The following AAAS variants were observed in gnomAD, a reference collection of about 807,000 sequenced individuals.
AAAS encodes aladin.
A neutral mutation model predicts 75.6 loss-of-function variants in AAAS; 60 were observed. That is an observed-to-expected ratio of 0.79 (90% CI 0.64 to 0.98). The LOEUF is 0.98. AAAS is among the 50% of genes least tolerant of loss of function. The pLI is 0.00. For missense variants in AAAS, 658 were observed against 686.9 expected, an observed-to-expected ratio of 0.96 and a Z score of 0.47; for synonymous variants, 271 against 265.0, an observed-to-expected ratio of 1.02 and a Z score of -0.22.
At chr12:53,307,960 G>GCTTT (rs1435344705) in intron 14 of AAAS, 31 bp from the exon 15 acceptor site, 1 of 1,613,302 alleles carries the variant, frequency 6.2e-7, no homozygotes, top group African/African-American at 1.3e-5. Flanking sequence ...GCAACCGGAG[G>GCTTT]CAAGAAGGGA....
chr12:53,319,028 A>C (rs1368250097), intron 2 of AAAS, among the ~76,000 whole-genome samples: 1 of 152,198 alleles, frequency 6.6e-6, no homozygotes, highest in African/African-American at 2.4e-5. Context: ...TGTGTTGGAA[A>C]ACAGGCACTC....
chr12:53,308,894 G>C (rs1944339715), intron 10 of AAAS, 66 bp downstream of exon 10: 1 of 1,612,852 alleles, frequency 6.2e-7, no homozygotes, highest in African/African-American at 1.3e-5. Context: ...GGCCAGGTTT[G>C]GGAGCATCAG....
intron 2 of AAAS, among the ~76,000 whole-genome samples, chr12:53,317,807 G>C (rs1198064852): frequency 1.3e-5 from 2 of 152,084 alleles, no homozygotes; most frequent in East Asian, 3.9e-4. Context: ...AACTGGTGGG[G>C]ATGAAGAAAA....
intron 11 of AAAS, 66 bp downstream of exon 11, chr12:53,308,659 G>A: frequency 6.3e-7 from 1 of 1,598,610 alleles, no homozygotes; most frequent in Non-Finnish European, 8.6e-7. Flanking sequence ...CCTCAGAGCT[G>A]CATCTTACCA....
intron 14 of AAAS, 21 bp downstream of exon 14, chr12:53,308,031 A>C: frequency 6.2e-7 from 1 of 1,614,046 alleles, no homozygotes; most frequent in Non-Finnish European, 8.5e-7. Context: ...GTCCAGACCT[A>C]AGGGCCCACA....
At chr12:53,313,022 G>C (rs1256684556) in intron 7 of AAAS, among the ~76,000 whole-genome samples, 1 of 149,366 alleles carries the variant, frequency 6.7e-6, no homozygotes, top group African/African-American at 2.5e-5. Context: ...ACGCCCAGCT[G>C]ATTTTTTGTA....
chr12:53,309,547 G>T, intron 8 of AAAS, 54 bp downstream of exon 8: 1 of 1,612,468 alleles, frequency 6.2e-7, no homozygotes, highest in South Asian at 1.1e-5. Flanking sequence ...ACAACCGAGT[G>T]AGGAACACTT....
Position 53,314,743 on chromosome 12 carries a change from A to G in AAAS, c.545+8T>C. 6.2e-7 allele frequency: 1 copy of G among 1,612,186 alleles called. No homozygotes were observed. The highest frequency in any genetic ancestry group is 8.5e-7 in the Non-Finnish European group (1 of 1,179,166). On this transcript the variant is annotated splice_region_variant and intron_variant, in intron 6 of 15. Transcript: ENST00000209873. The stretch of plus-strand genomic sequence containing the variant: ...AAGTCAGAGCCCACCTGGTGTCCCC[A>G]CACACACCTGCTGGCATTATACACA...
At position 53,307,857 on chromosome 12, in the gene AAAS, G is replaced by A. The variant is rs1343957448; in HGVS notation, c.1404C>T (p.Ala468=). ...CTGGCGCACTCACCACACTGAGCAG[G>A]GCCCCTTTGTTGAAGGAAGGATGGA... The part of the protein sequence containing the change: ...ITFHPSFNKG[A]LLSVGWSTGR... Residue 468 remains alanine, a synonymous_variant, in exon 15 of 16, where the codon GCC becomes GCT. Transcript: ENST00000209873. 2 of 1,614,248 alleles carry A rather than the reference G, an allele frequency of 1.2e-6. No individual in the cohort carries two copies. The highest frequency in any genetic ancestry group is 1.7e-6 in the Non-Finnish European group (2 of 1,180,050).
At chr12:53,314,575 G>A in intron 6 of AAAS, 134 bp from the exon 7 acceptor site, 2 of 1,394,884 alleles carry the variant, frequency 1.4e-6, no homozygotes, top group Admixed American at 3.8e-5. Context: ...TAGGACAGGA[G>A]GGGATAAAGG....
In AAAS at chr12:53,307,583, G is replaced by A. The variant is rs902369500; in HGVS notation, c.1547C>T (p.Pro516Leu). The change falls in exon 16 of 16, where the codon CCC becomes CTC. Residue 516 changes from proline to leucine, a missense_variant. By Grantham distance (98) the Pro-to-Leu change is moderately conservative. Coordinates refer to ENST00000209873, the MANE Select transcript of AAAS (RefSeq NM_015665.6). ...AGGGGSIHDLPLFTETSPTSA... is the reference protein window; with the variant it reads ...AGGGGSIHDLLLFTETSPTSA... ...GGTTGGGGATGTCTCAGTAAAGAGG[G>A]GCAGGTCATGAATAGAGCCTCCACC... 30 of 1,614,072 alleles carry A rather than the reference G, an allele frequency of 1.9e-5. No individual in the cohort carries two copies. The highest frequency in any genetic ancestry group is 5.0e-5 in the Admixed American group (3 of 60,006).
chr12:53,313,631 C>A (rs1944423372), intron 7 of AAAS, among the ~76,000 whole-genome samples: 1 of 147,596 alleles, frequency 6.8e-6, no homozygotes, highest in East Asian at 2.0e-4. Context: ...TTTTTTGAGA[C>A]AGAGTCTCGC....
Position 53,307,562 on chromosome 12 carries a change from G to A in AAAS, c.1568C>T (p.Pro523Leu). Residue 523 changes from proline to leucine, a missense_variant, in exon 16 of 16, where the codon CCA becomes CTA. Coordinates refer to ENST00000209873, the MANE Select transcript of AAAS (RefSeq NM_015665.6). ...HDLPLFTETS[P>L]TSAPWDPLPG... is the part of the protein sequence containing the mutation. ...GAGAGGGTCCCAAGGGGCAGAGGTT[G>A]GGGATGTCTCAGTAAAGAGGGGCAG... The A allele has an allele frequency of 1.2e-6, 2 of 1,614,200 alleles. No individual in the cohort carries two copies. Among genetic ancestry groups the A allele is most frequent in the Non-Finnish European group, 1.7e-6 (2 of 1,180,026 alleles).
rs762731519 is a variant in AAAS at position 53,321,378 on chromosome 12, T to C, written c.88A>G (p.Ser30Gly). The C allele has an allele frequency of 6.2e-7, 1 of 1,614,022 alleles. No individual in the cohort carries two copies. The highest frequency in any genetic ancestry group is 1.3e-5 in the African/African-American group (1 of 74,934). Residue 30 changes from serine to glycine, a missense_variant, in exon 1 of 16, where the codon AGC becomes GGC. Ser to Gly is a moderately conservative substitution (Grantham distance 56). Coordinates refer to ENST00000209873, the MANE Select transcript of AAAS (RefSeq NM_015665.6). ...AAGTCGGGGGGCGGGCTCTCATAGC[T>C]ACTGCCCGTCACCAGCTCGTTATTG... Reference protein sequence around the residue: ...EHNNELVTGSSYESPPPDFRG... With the variant: ...EHNNELVTGSGYESPPPDFRG...
At chr12:53,310,473 T>C (rs1944371395) in intron 7 of AAAS, among the ~76,000 whole-genome samples, 1 of 152,012 alleles carries the variant, frequency 6.6e-6, no homozygotes, top group Non-Finnish European at 1.5e-5. Flanking sequence ...GGCAGGAGAA[T>C]TGCTTGAACC....
chr12:53,308,774 A>G lies in AAAS; in HGVS notation c.1038T>C (p.Thr346=). 2 of 1,614,148 alleles carry G rather than the reference A, an allele frequency of 1.2e-6. No homozygotes were observed. The highest frequency in any genetic ancestry group is 2.2e-5 in the South Asian group (2 of 91,086). ...AGTAAATCAGTGGCTCTCCCAATAC[A>G]GTGAACAGCAGTCGGCTGCCATCTG... The part of the protein sequence containing the change: ...WSPDGSRLLF[T]VLGEPLIYSL... Residue 346 remains threonine (T), a synonymous_variant, in exon 11 of 16, where the codon ACT becomes ACC. Coordinates refer to ENST00000209873, the MANE Select transcript of AAAS (RefSeq NM_015665.6).
intron 7 of AAAS, among the ~76,000 whole-genome samples, chr12:53,313,749 C>T (rs764776331): frequency 6.6e-6 from 1 of 151,578 alleles, no homozygotes; most frequent in Non-Finnish European, 1.5e-5. Flanking sequence ...GCTGGGACTA[C>T]AGGTGTGTAC....
chr12:53,314,513 G>A (rs1944435404), intron 6 of AAAS, 72 bp from the exon 7 acceptor site: 1 of 1,598,066 alleles, frequency 6.3e-7, no homozygotes, highest in Non-Finnish European at 8.6e-7. Flanking sequence ...TGCAGTTAAG[G>A]AGGGAAAGCC....
chr12:53,320,012 C>G (rs567689124), intron 2 of AAAS, among the ~76,000 whole-genome samples: 1 of 151,370 alleles, frequency 6.6e-6, no homozygotes, highest in East Asian at 1.9e-4. Context: ...CCTAGCTACT[C>G]GGGAGACTGA....
Sources: gnomAD v4.1 joint callset for allele counts (sites outside exome capture counted in the v4.1 genomes callset) on GRCh38, gnomAD v4.1.1 for gene constraint, MANE v1.5 for transcripts, NCBI Gene and HGNC (gene_info 2026-07-23, HGNC 2026-07-21) for gene names.